TANC2: variants seen among roughly 807,000 people sequenced by gnomAD.
TANC2 encodes protein TANC2.
Under a neutral mutation model 210.5 loss-of-function variants are expected in TANC2, and 26 were observed. The ratio of observed to expected loss-of-function variants is 0.12; its 90% CI spans 0.09 to 0.17. The LOEUF (loss-of-function observed/expected upper bound fraction) is 0.17, where lower values mean the gene tolerates loss of function less well. Among genes scored for constraint, TANC2 ranks in the 10% least tolerant of loss-of-function variants. The probability of loss-of-function intolerance (pLI) is 1.00; values close to 1 mark genes in which losing one functional copy is unlikely to be tolerated. For missense variants in TANC2, 2,129 were observed against 2,608.9 expected (o/e 0.82, Z 4.01); for synonymous variants, 931 against 967.1 (o/e 0.96, Z 0.69).
At chr17:63,398,762 T>C in intron 18 of TANC2, 59 bp from the exon 19 acceptor site, 2 of 1,177,036 alleles carry the variant, frequency 1.7e-6, no homozygotes, top group Non-Finnish European at 2.5e-6. Flanking sequence ...CCTCACAGGC[T>C]AGTGTCAGTA....
At chr17:62,973,457 C>T (rs1038697532) in intron 1 of TANC2, among the ~76,000 whole-genome samples, 4 of 152,202 alleles carry the variant, frequency 2.6e-5, no homozygotes, top group African/African-American at 9.7e-5. Context: ...TCATTATCTA[C>T]TTATTGAGTG....
chr17:62,991,455 G>A lies in TANC2; in HGVS notation c.-23-18082G>A, dbSNP rs369448975. 2.2e-4 allele frequency among the ~76,000 whole-genome samples: 33 copies of A among 151,900 alleles called. No individual in the cohort carries two copies. The South Asian group carries it at 6.5e-3, about 30-fold the overall frequency. On this transcript the variant is annotated intron_variant, in intron 1 of 27. Coordinates refer to ENST00000689528, the Ensembl canonical transcript of TANC2. ...AGATCGAGACCATCATGGCTAACACGACGAAACCCCGTCTCTACTAAAAAT... is the reference window on the plus strand; with the variant it reads ...AGATCGAGACCATCATGGCTAACACAACGAAACCCCGTCTCTACTAAAAAT...
In TANC2 at chr17:63,200,756, A is replaced by AT. The variant is rs2041506451; in HGVS notation, c.583-13dup. 1 of 1,606,732 alleles carries AT rather than the reference A, an allele frequency of 6.2e-7. No individual in the cohort carries two copies. Among genetic ancestry groups the AT allele is most frequent in the Non-Finnish European group, 8.5e-7 (1 of 1,176,644 alleles). On this transcript the variant is annotated splice_polypyrimidine_tract_variant and intron_variant, in intron 6 of 27. Coordinates refer to ENST00000689528, the Ensembl canonical transcript of TANC2. ...GATCAGGTTATCTTACTTATTCATG[A>AT]TTCCAATTTTTCAGACCTCAGCAAT... is the stretch of plus-strand genomic sequence containing the variant.
chr17:63,021,026 C>T (rs73339698), intron 2 of TANC2, among the ~76,000 whole-genome samples: 3,351 of 152,240 alleles, frequency 0.022, 112 homozygotes, highest in African/African-American at 0.075. Context: ...GAGCTACCCT[C>T]ATGACCCAGA....
intron 1 of TANC2, among the ~76,000 whole-genome samples, chr17:63,007,118 A>G (rs12947587): frequency 0.011 from 1,613 of 151,976 alleles, 16 homozygotes; most frequent in Non-Finnish European, 0.019. Context: ...AGTTCTAGCT[A>G]CTTGGGTGGC....
chr17:63,193,697 C>T (rs1473209534), intron 5 of TANC2, among the ~76,000 whole-genome samples: 1 of 152,064 alleles, frequency 6.6e-6, no homozygotes, highest in Non-Finnish European at 1.5e-5. Flanking sequence ...TAAATATGGA[C>T]GGTAAGTCAA....
At chr17:63,332,199 CT>C in intron 11 of TANC2, 1 of 375,506 alleles carries the variant, frequency 2.7e-6, no homozygotes, top group East Asian at 8.5e-5. Context: ...CATATTTCTT[CT>C]TTGCTCTGGG....
intron 5 of TANC2, among the ~76,000 whole-genome samples, chr17:63,185,826 C>G (rs1381457371): frequency 6.6e-6 from 1 of 152,114 alleles, no homozygotes; most frequent in Non-Finnish European, 1.5e-5. Context: ...GATCTTTTGT[C>G]TATTTTTTAA....
At chr17:63,086,463 G>A (rs1418385145) in intron 3 of TANC2, among the ~76,000 whole-genome samples, 3 of 151,958 alleles carry the variant, frequency 2.0e-5, no homozygotes, top group Admixed American at 6.6e-5. Context: ...CCTCAGCCAC[G>A]TCCAGTCTGC....
intron 15 of TANC2, among the ~76,000 whole-genome samples, chr17:63,382,652 T>TAA (rs2047649379): frequency 6.6e-6 from 1 of 152,226 alleles, no homozygotes; most frequent in Non-Finnish European, 1.5e-5. Flanking sequence ...ACAAATATAA[T>TAA]AGATAACGCT....
In TANC2 at chr17:63,113,302, G is replaced by A. The variant is rs185066552; in HGVS notation, c.322+13945G>A. On this transcript the variant is annotated intron_variant, in intron 4 of 27. Coordinates refer to ENST00000689528, the Ensembl canonical transcript of TANC2. ...AATTATGCACCCAAATTGACATTCAGCCCATAAGAGTAATAAACACGTGGC... is the reference window on the plus strand; with the variant it reads ...AATTATGCACCCAAATTGACATTCAACCCATAAGAGTAATAAACACGTGGC... 4.0e-3 allele frequency among the ~76,000 whole-genome samples: 606 copies of A among 152,156 alleles called. 5 individuals are homozygous for A. Among genetic ancestry groups the A allele is most frequent in the African/African-American group, 0.014 (587 of 41,508 alleles).
chr17:63,188,200 C>T (rs1323219664), intron 5 of TANC2, among the ~76,000 whole-genome samples: 1 of 151,832 alleles, frequency 6.6e-6, no homozygotes, highest in Non-Finnish European at 1.5e-5. Context: ...CACCTGTATT[C>T]CCAGCATGCT....
At chr17:63,046,906 G>A (rs965548402) in intron 2 of TANC2, among the ~76,000 whole-genome samples, 1 of 152,050 alleles carries the variant, frequency 6.6e-6, no homozygotes, top group Non-Finnish European at 1.5e-5. Flanking sequence ...CTATATATTT[G>A]AATTTACTTA....
chr17:63,351,453 C>G, intron 13 of TANC2, 37 bp downstream of exon 13: 2 of 1,519,356 alleles, frequency 1.3e-6, no homozygotes, highest in Non-Finnish European at 1.8e-6. Context: ...TAAATGATTC[C>G]TCTTGGAAAG....
chr17:63,160,364 A>AC (rs965615152), intron 5 of TANC2, among the ~76,000 whole-genome samples: 2 of 152,164 alleles, frequency 1.3e-5, no homozygotes, highest in African/African-American at 2.4e-5. Context: ...ACATAGTGAG[A>AC]CCCCATCGCT....
At chr17:63,332,444 A>G (rs951032858) in intron 11 of TANC2, 2 of 375,472 alleles carry the variant, frequency 5.3e-6, no homozygotes, top group East Asian at 1.6e-4. Flanking sequence ...CTCTGCAATA[A>G]AGGACTCAAA....
exon 28 of TANC2, chr17:63,424,326 G>C (rs1388646686): frequency 6.6e-6 from 1 of 152,204 alleles, no homozygotes; most frequent in African/African-American, 2.4e-5. Flanking sequence ...CATCATAAGA[G>C]GGAGTAGGTA....
intron 1 of TANC2, chr17:62,967,108 T>C (rs2031389719): frequency 6.6e-6 from 1 of 152,052 alleles, no homozygotes; most frequent in Non-Finnish European, 1.5e-5. Flanking sequence ...AGCATAAAAG[T>C]AGTTGCGAAA....
intron 13 of TANC2, 67 bp downstream of exon 13, chr17:63,351,483 C>A: frequency 2.9e-6 from 4 of 1,361,834 alleles, no homozygotes; most frequent in Non-Finnish European, 3.9e-6. Context: ...TGAAAAAGTT[C>A]TAGGTCCTAG....
Sources: gnomAD v4.1 joint callset for allele counts (sites outside exome capture counted in the v4.1 genomes callset) on GRCh38, gnomAD v4.1.1 for gene constraint, MANE v1.5 for transcripts, NCBI Gene and HGNC (gene_info 2026-07-23, HGNC 2026-07-21) for gene names.